The following YARS1 variants were observed in gnomAD, a reference collection of about 807,000 sequenced individuals.
YARS1 encodes tyrosyl-tRNA synthetase 1.
YARS1 carries 36 observed loss-of-function variants against 62.2 expected under a neutral mutation model. The observed-to-expected ratio is 0.58, with a 90% CI of 0.44 to 0.76. The LOEUF (loss-of-function observed/expected upper bound fraction) is 0.76, where lower values mean the gene tolerates loss of function less well. YARS1 is among the 30% of genes least tolerant of loss of function. YARS1 has a pLI of 0.00. For synonymous variants in YARS1, 234 were observed against 244.9 expected (o/e 0.96, Z 0.42); for missense variants, 524 against 639.8 (o/e 0.82, Z 1.95).
intron 4 of YARS1, among the ~76,000 whole-genome samples, chr1:32,803,046 G>A (rs1475331370): frequency 2.1e-5 from 3 of 145,824 alleles, no homozygotes; most frequent in South Asian, 2.2e-4. Context: ...GCAATGGTGC[G>A]ATCTCGGCTT....
intron 4 of YARS1, among the ~76,000 whole-genome samples, chr1:32,802,978 ATTTTTTTT>A (rs34189200): frequency 2.2e-5 from 2 of 89,412 alleles, no homozygotes; most frequent in African/African-American, 4.4e-5. Context: ...ACGCCTGGCT[ATTTTTTTT>A]TTTTTTTTTT....
intron 3 of YARS1, 83 bp from the exon 4 acceptor site, chr1:32,806,694 C>T: frequency 6.3e-7 from 1 of 1,581,512 alleles, no homozygotes; most frequent in Non-Finnish European, 8.7e-7. Context: ...CATTAATTTA[C>T]TTCCCTAACC....
intron 5 of YARS1, 97 bp from the exon 6 acceptor site, chr1:32,791,351 T>C: frequency 1.1e-6 from 1 of 943,276 alleles, no homozygotes; most frequent in South Asian, 1.3e-5. Context: ...GAGTAGTTGT[T>C]ATATTGCTTC....
intron 8 of YARS1, among the ~76,000 whole-genome samples, chr1:32,785,558 T>C (rs1467501026): frequency 1.3e-5 from 2 of 151,856 alleles, no homozygotes; most frequent in South Asian, 4.2e-4. Context: ...GAGTGGGGAT[T>C]ATCTTTCTTT....
rs1014054108 is a variant in YARS1 at position 32,779,616 on chromosome 1, C to T, written c.1335-93G>A. The T allele has an allele frequency of 1.9e-6, 3 of 1,556,724 alleles. No homozygotes were observed. The African/African-American group carries it at 4.1e-5, about 21-fold the overall frequency. ...CAATCCGGGCCTTTACACAGGGGCC[C>T]TGATGGGATTTAGGGCATCCTCAGT... On this transcript the variant is annotated intron_variant, in intron 11 of 12. Transcript: ENST00000373477.
chr1:32,790,766 G>A (rs916286563), intron 6 of YARS1: 2 of 212,754 alleles, frequency 9.4e-6, no homozygotes, highest in South Asian at 1.3e-4. Context: ...TTTCCCTCAA[G>A]TACACGAGCT....
chr1:32,785,519 G>A (rs576520629), intron 8 of YARS1, among the ~76,000 whole-genome samples: 6 of 151,650 alleles, frequency 4.0e-5, no homozygotes, highest in Non-Finnish European at 5.9e-5. Flanking sequence ...CAAACCTAGC[G>A]GGCCAAGATG....
chr1:32,804,419 GC>G (rs1638394522), intron 4 of YARS1, among the ~76,000 whole-genome samples: 1 of 150,218 alleles, frequency 6.7e-6, no homozygotes, highest in South Asian at 2.1e-4. Flanking sequence ...GGCGGCGGCT[GC>G]CCCCCACCTC....
At chr1:32,807,563 TC>T (rs1638491509) in intron 3 of YARS1, among the ~76,000 whole-genome samples, 1 of 152,020 alleles carries the variant, frequency 6.6e-6, no homozygotes, top group Admixed American at 6.6e-5. Flanking sequence ...GCTCAGGTGA[TC>T]CTCCCACCTC....
chr1:32,787,182 T>A, intron 6 of YARS1, 107 bp from the exon 7 acceptor site: 1 of 1,355,404 alleles, frequency 7.4e-7, no homozygotes, highest in Non-Finnish European at 1.0e-6. Context: ...CAGGCTGGAG[T>A]GCAGTGGCAC....
intron 4 of YARS1, among the ~76,000 whole-genome samples, chr1:32,801,342 TA>T (rs1638288562): frequency 6.6e-6 from 1 of 152,150 alleles, no homozygotes; most frequent in African/African-American, 2.4e-5. Context: ...TCGGTGCATA[TA>T]AAAGTTGTGG....
At chr1:32,791,411 C>T (rs147623008) in intron 5 of YARS1, among the ~76,000 whole-genome samples, 157 bp from the exon 6 acceptor site, 6 of 152,104 alleles carry the variant, frequency 3.9e-5, no homozygotes, top group Non-Finnish European at 7.3e-5. Flanking sequence ...GTAATTCAAG[C>T]GAAGTTTTTT....
At chr1:32,801,940 TTC>T (rs1638304813) in intron 4 of YARS1, among the ~76,000 whole-genome samples, 1 of 146,470 alleles carries the variant, frequency 6.8e-6, no homozygotes, top group African/African-American at 2.5e-5. Flanking sequence ...CTCTTGTTAT[TTC>T]TTTTTTTTTT....
At chr1:32,794,358 T>TAA in intron 5 of YARS1, among the ~76,000 whole-genome samples, 1 of 149,098 alleles carries the variant, frequency 6.7e-6, no homozygotes, top group Admixed American at 6.7e-5. Flanking sequence ...TCAGAAAAAT[T>TAA]AAAAAAAAAA....
At chr1:32,779,789 T>C in intron 11 of YARS1, 1 of 612,414 alleles carries the variant, frequency 1.6e-6, no homozygotes, top group South Asian at 2.0e-5. Flanking sequence ...GCGAGGACTT[T>C]ATAGACATCA....
rs1191066769 is a variant in YARS1 at position 32,797,799 on chromosome 1, G to A, written c.555C>T (p.Gly185=). Residue 185 remains glycine (G), a synonymous_variant, in exon 5 of 13, where the codon GGC becomes GGT. Coordinates refer to ENST00000373477, the MANE Select transcript of YARS1 (RefSeq NM_003680.4). The part of the protein sequence containing the change: ...EYLKVDAQFG[G]IDQRKIFTFA... ...AGGTGAAAATCTTTCTCTGATCAAT[G>A]CCTCCAAATTGGGCATCTACTTTTA... 1.9e-6 allele frequency: 3 copies of A among 1,614,170 alleles called. No homozygotes were observed. The highest frequency in any genetic ancestry group is 2.2e-5 in the South Asian group (2 of 91,082).
At chr1:32,799,580 A>G (rs1180771445) in intron 4 of YARS1, among the ~76,000 whole-genome samples, 6 of 152,246 alleles carry the variant, frequency 3.9e-5, no homozygotes, top group Admixed American at 6.5e-5. Flanking sequence ...GGGAAGAGGA[A>G]GAGAAGGCTG....
Position 32,779,485 on chromosome 1 carries a change from G to A in YARS1, c.1373C>T (p.Pro458Leu), listed in dbSNP as rs762042274. Reference protein sequence around the residue: ...INRQVEPLDPPAGSAPGEHVF... With the variant: ...INRQVEPLDPLAGSAPGEHVF... The stretch of plus-strand genomic sequence containing the variant: ...GTGCTCACCAGGAGCAGAGCCTGCC[G>A]GAGGGTCCAGAGGTTCAACCTGGCG... The change falls in exon 12 of 13, where the codon CCG becomes CTG. Residue 458 changes from proline to leucine, a missense_variant. Transcript: ENST00000373477. 7.4e-6 allele frequency: 12 copies of A among 1,614,230 alleles called. No homozygotes were observed. The highest frequency in any genetic ancestry group is 1.1e-5 in the South Asian group (1 of 91,088).
chr1:32,811,296 T>C (rs192096531), intron 1 of YARS1: 136 of 586,150 alleles, frequency 2.3e-4, no homozygotes, highest in African/African-American at 2.2e-3. Context: ...TGTAGCCCCT[T>C]GCAGCCTCTT....
Sources: allele counts gnomAD v4.1 joint callset (sites outside exome capture counted in the v4.1 genomes callset), GRCh38; gene constraint gnomAD v4.1.1; transcripts MANE v1.5; gene names NCBI Gene and HGNC (gene_info 2026-07-23, HGNC 2026-07-21).